KIAA1958: variants seen among roughly 807,000 people sequenced by gnomAD.
The protein encoded by KIAA1958 is KIAA1958.
A neutral mutation model predicts 47.2 loss-of-function variants in KIAA1958; 14 were observed. The ratio of observed to expected loss-of-function variants is 0.30; its 90% CI spans 0.20 to 0.46. The LOEUF (loss-of-function observed/expected upper bound fraction) is 0.46, where lower values mean the gene tolerates loss of function less well. KIAA1958 is among the 20% of genes least tolerant of loss of function. The pLI, the probability that KIAA1958 is intolerant of heterozygous loss-of-function variation, is 1.00. For missense variants in KIAA1958, 803 were observed against 909.2 expected (o/e 0.88, Z 1.50); for synonymous variants, 354 against 353.3 (o/e 1.00, Z -0.02).
intron 1 of KIAA1958, among the ~76,000 whole-genome samples, chr9:112,557,838 A>G (rs1056714518): frequency 6.6e-6 from 1 of 152,248 alleles, no homozygotes; most frequent in Non-Finnish European, 1.5e-5. Flanking sequence ...GAAAGACAGA[A>G]AACATTTTTA....
At chr9:112,543,663 C>T (rs1010878751) in intron 1 of KIAA1958, among the ~76,000 whole-genome samples, 1 of 150,582 alleles carries the variant, frequency 6.6e-6, no homozygotes, top group South Asian at 2.1e-4. Flanking sequence ...ACCTCCACCT[C>T]CCAGGTTCAA....
intron 2 of KIAA1958, among the ~76,000 whole-genome samples, chr9:112,626,508 T>G (rs75002172): frequency 0.017 from 2,642 of 152,270 alleles, 85 homozygotes; most frequent in African/African-American, 0.06. Context: ...TGGCATTGTT[T>G]GTTTGTGATA....
In KIAA1958 at chr9:112,659,475, G is replaced by A. The variant is rs1247253153; in HGVS notation, c.1557G>A (p.Lys519=). The A allele has an allele frequency of 1.2e-6, 2 of 1,613,798 alleles. No homozygotes were observed. The highest frequency in any genetic ancestry group is 2.2e-5 in the East Asian group (1 of 44,892). The change falls in exon 4 of 4, where the codon AAG becomes AAA. Residue 519 remains lysine, a synonymous_variant. Coordinates refer to ENST00000337530, the MANE Select transcript of KIAA1958 (RefSeq NM_133465.4). ...KLKEKLWVLS[K]AGMSGARSRN... is the part of the protein sequence containing the mutation. ...AGGAGAAGCTGTGGGTGCTGAGTAAGGCAGGCATGTCGGGCGCGCGTTCTC... is the reference window on the plus strand; with the variant it reads ...AGGAGAAGCTGTGGGTGCTGAGTAAAGCAGGCATGTCGGGCGCGCGTTCTC...
chr9:112,599,023 A>C (rs1466194456), intron 2 of KIAA1958, among the ~76,000 whole-genome samples: 1 of 152,186 alleles, frequency 6.6e-6, no homozygotes, highest in Non-Finnish European at 1.5e-5. Context: ...TCGAGATTAC[A>C]GTGACTGAGC....
chr9:112,518,406 A>G (rs768149908), intron 1 of KIAA1958, among the ~76,000 whole-genome samples: 19 of 152,230 alleles, frequency 1.2e-4, no homozygotes, highest in Admixed American at 9.2e-4. Context: ...CTATTGATAC[A>G]CCCAACAATA....
Position 112,664,264 on chromosome 9 carries a change from C to A in KIAA1958, c.*4195C>A, listed in dbSNP as rs1229035653. 6.6e-6 allele frequency: 1 copy of A among 152,212 alleles called. No individual in the cohort carries two copies. Among genetic ancestry groups the A allele is most frequent in the Non-Finnish European group, 1.5e-5 (1 of 68,038 alleles). 9.4% of individuals were successfully genotyped at this position (152,212 alleles called of 1,614,324 possible). ...ACAACTTCTAAAATTATTTTGCTAT[C>A]TCGAAGCAGCAGAATATTGATCATT... On this transcript the variant is annotated 3_prime_UTR_variant, in exon 4 of 4. Transcript: ENST00000337530.
At chr9:112,630,221 TCCTGTTAATAGAAAAGAAAGC>T (rs1836685500) in intron 2 of KIAA1958, among the ~76,000 whole-genome samples, 1 of 152,186 alleles carries the variant, frequency 6.6e-6, no homozygotes. Context: ...AGCCTGAAAA[TCCTGTTAATAGAAAAGAAAGC>T]CCTGCTGCAA....
At chr9:112,614,243 G>A (rs1428665929) in intron 2 of KIAA1958, among the ~76,000 whole-genome samples, 1 of 152,026 alleles carries the variant, frequency 6.6e-6, no homozygotes, top group Non-Finnish European at 1.5e-5. Context: ...CAGGAGAGCG[G>A]GTTTTCTTGG....
chr9:112,550,917 T>C (rs1449124846), intron 1 of KIAA1958, among the ~76,000 whole-genome samples: 2 of 152,148 alleles, frequency 1.3e-5, no homozygotes, highest in Non-Finnish European at 2.9e-5. Context: ...ATGAGGAAGA[T>C]ATTCCACAAA....
chr9:112,660,171 C>G lies in KIAA1958; in HGVS notation c.*102C>G, dbSNP rs1055860251. On this transcript the variant is annotated 3_prime_UTR_variant, in exon 4 of 4. Transcript: ENST00000337530. ...GGCAGGGGCTGACCAGGTGTGACCT[C>G]CCGGTCTGGCGGCTCTCCCCTGGTG... 1.4e-5 allele frequency: 14 copies of G among 996,854 alleles called. No homozygotes were observed. Among genetic ancestry groups the G allele is most frequent in the Admixed American group, 6.8e-5 (3 of 44,184 alleles). 61.8% of individuals were successfully genotyped at this position (996,854 alleles called of 1,614,324 possible).
At chr9:112,639,625 T>C (rs2131237945) in intron 2 of KIAA1958, among the ~76,000 whole-genome samples, 1 of 152,258 alleles carries the variant, frequency 6.6e-6, no homozygotes, top group East Asian at 1.9e-4. Context: ...ACCAGGCTGC[T>C]CCTCCATGGA....
chr9:112,591,510 T>C (rs1331837990), intron 2 of KIAA1958, among the ~76,000 whole-genome samples: 7 of 152,220 alleles, frequency 4.6e-5, no homozygotes, highest in Non-Finnish European at 1.0e-4. Context: ...TTATTTTTTA[T>C]AGAAGTATTT....
chr9:112,573,617 A>G (rs1835577980), intron 1 of KIAA1958, among the ~76,000 whole-genome samples: 1 of 152,154 alleles, frequency 6.6e-6, no homozygotes, highest in Non-Finnish European at 1.5e-5. Flanking sequence ...AAAGTTTCTG[A>G]TGACAAAGGG....
chr9:112,531,360 C>T (rs766712629), intron 1 of KIAA1958, among the ~76,000 whole-genome samples: 1 of 152,062 alleles, frequency 6.6e-6, no homozygotes, highest in Non-Finnish European at 1.5e-5. Flanking sequence ...TGCACTCCAG[C>T]CTGGGCAACA....
chr9:112,590,412 C>A (rs190303554), intron 2 of KIAA1958, among the ~76,000 whole-genome samples: 1 of 147,754 alleles, frequency 6.8e-6, no homozygotes, highest in Non-Finnish European at 1.5e-5. Context: ...AGTGCAATGG[C>A]GCGATCTCCG....
At chr9:112,526,764 G>T (rs907632847) in intron 1 of KIAA1958, among the ~76,000 whole-genome samples, 1 of 152,194 alleles carries the variant, frequency 6.6e-6, no homozygotes, top group African/African-American at 2.4e-5. Flanking sequence ...GGCCTAGTCA[G>T]CTCTTAAAGG....
chr9:112,543,567 C>CTTTTTTTTTTTTTTT (rs138422704), intron 1 of KIAA1958, among the ~76,000 whole-genome samples: 4 of 108,176 alleles, frequency 3.7e-5, no homozygotes, highest in African/African-American at 1.1e-4. Context: ...TTCTGAGCTT[C>CTTTTTTTTTTTTTTT]TTTTTTTTTT....
intron 2 of KIAA1958, among the ~76,000 whole-genome samples, chr9:112,644,582 C>CAGCTAAGGGTTGTG (rs61601010): frequency 0.68 from 103,225 of 151,858 alleles, 35,662 homozygotes; most frequent in Non-Finnish European, 0.75. Flanking sequence ...TAAGAAAAGC[C>CAGCTAAGGGTTGTG]AGCTAGTTAT....
At chr9:112,609,914 A>T (rs887116625) in intron 2 of KIAA1958, among the ~76,000 whole-genome samples, 2 of 152,180 alleles carry the variant, frequency 1.3e-5, no homozygotes, top group Admixed American at 1.3e-4. Context: ...GAGAATGGAC[A>T]TCTTGTATAA....
Sources: gnomAD v4.1 joint callset for allele counts (sites outside exome capture counted in the v4.1 genomes callset) on GRCh38, gnomAD v4.1.1 for gene constraint, MANE v1.5 for transcripts, NCBI Gene and HGNC (gene_info 2026-07-23, HGNC 2026-07-21) for gene names.